SLC41A2: variants seen among roughly 807,000 people sequenced by gnomAD.
SLC41A2 encodes the protein SLC41A1-like 1.
A neutral mutation model predicts 58.3 loss-of-function variants in SLC41A2; 32 were observed. The observed-to-expected ratio is 0.55, with a 90% CI of 0.41 to 0.74. The LOEUF is 0.74. SLC41A2 is among the 30% of genes least tolerant of loss of function. SLC41A2 has a pLI of 0.00. For synonymous variants in SLC41A2, 190 were observed against 235.0 expected, an observed-to-expected ratio of 0.81 and a Z score of 1.75; for missense variants, 514 against 680.6, an observed-to-expected ratio of 0.76 and a Z score of 2.72.
chr12:104,929,416 A>C (rs1209243497), intron 1 of SLC41A2, among the ~76,000 whole-genome samples: 1 of 152,266 alleles, frequency 6.6e-6, no homozygotes, highest in Non-Finnish European at 1.5e-5. Flanking sequence ...CAGCCAGAAG[A>C]AAGCTTGTAA....
intron 1 of SLC41A2, among the ~76,000 whole-genome samples, chr12:104,943,741 T>G (rs539818472): frequency 1.3e-5 from 2 of 152,306 alleles, no homozygotes; most frequent in East Asian, 3.9e-4. Flanking sequence ...CTAGCTGGAT[T>G]TCCTAGGCCA....
In SLC41A2 at chr12:104,802,523, T is replaced by A. The variant is rs1206918458; in HGVS notation, c.*2629A>T. ...AGACATTTGGTTGCTCTAACCAAGG[T>A]TGGGTAGCAAAAGAGAAAGGAGACA... On this transcript the variant is annotated 3_prime_UTR_variant, in exon 11 of 11. Coordinates refer to ENST00000258538, the MANE Select transcript of SLC41A2 (RefSeq NM_001352171.3). The A allele has an allele frequency of 6.6e-6, 1 of 152,144 alleles. No individual in the cohort carries two copies. The highest frequency in any genetic ancestry group is 1.5e-5 in the Non-Finnish European group (1 of 68,014). The allele number at this position is 152,144 out of a possible 1,614,324, so 9.4% of individuals were successfully genotyped here. A position where few individuals can be genotyped will look rare whatever the true frequency, so the allele number is the denominator to read the frequency against.
At chr12:104,851,538 A>C (rs7980681) in intron 8 of SLC41A2, among the ~76,000 whole-genome samples, 113,187 of 151,716 alleles carry the variant, frequency 0.75, 42,832 homozygotes, top group African/African-American at 0.88. Context: ...TATGCATCAC[A>C]ATGCCTAGCT....
In SLC41A2 at chr12:104,860,283, G is replaced by C. The variant is rs188813329; in HGVS notation, c.1255+1008C>G. 5.4e-3 allele frequency among the ~76,000 whole-genome samples: 813 copies of C among 151,874 alleles called. 10 individuals carry two copies. The highest frequency in any genetic ancestry group is 0.019 in the African/African-American group (770 of 41,422). On this transcript the variant is annotated intron_variant, in intron 8 of 10. Coordinates refer to ENST00000258538, the MANE Select transcript of SLC41A2 (RefSeq NM_001352171.3). The stretch of plus-strand genomic sequence containing the variant: ...GCATTAGGACAAATAACTCATGCAT[G>C]CGGGGCTTAAAAACTAGATGATGGG...
intron 10 of SLC41A2, among the ~76,000 whole-genome samples, chr12:104,824,829 G>A (rs1346462321): frequency 3.3e-5 from 5 of 152,158 alleles, no homozygotes; most frequent in Admixed American, 2.6e-4. Context: ...TGCCCTGAGA[G>A]GAGGACAAGG....
rs1428330961 is a variant in SLC41A2, at chr12:104,829,417, T to C, written c.1536+15055A>G. Among the ~76,000 whole-genome samples the C allele has an allele frequency of 3.9e-5, 6 of 152,180 alleles. No homozygotes were observed. The South Asian group carries it at 8.3e-4, about 21-fold the overall frequency. On this transcript the variant is annotated intron_variant, in intron 10 of 10. Coordinates refer to ENST00000258538, the MANE Select transcript of SLC41A2 (RefSeq NM_001352171.3). ...AAAGAGGACATACTTAGATTCAATA[T>C]ATAAAATTCTAGAAGAGGGAAATAT...
rs2044819133 is a variant in SLC41A2, at chr12:104,889,166, T to C, written c.747A>G (p.Thr249=). Residue 249 remains threonine, a synonymous_variant, in exon 5 of 11, where the codon ACA becomes ACG. Coordinates refer to ENST00000258538, the MANE Select transcript of SLC41A2 (RefSeq NM_001352171.3). ...CCACAGCTGCTAGAAAACCCACTAC[T>C]GTTGCCTGAACCTAAAATTTTTTTC... ...GNLALKQVQA[T]VVGFLAAVAA... The C allele has an allele frequency of 1.2e-6, 2 of 1,605,266 alleles. No individual in the cohort carries two copies. Among genetic ancestry groups the C allele is most frequent in the African/African-American group, 2.7e-5 (2 of 74,532 alleles).
chr12:104,861,961 C>T (rs140279211), intron 7 of SLC41A2, among the ~76,000 whole-genome samples: 171 of 152,164 alleles, frequency 1.1e-3, no homozygotes, highest in Middle Eastern at 6.8e-3. Flanking sequence ...ACTAACATAT[C>T]GTTATATGGT....
At chr12:104,814,907 T>C (rs938751024) in intron 10 of SLC41A2, among the ~76,000 whole-genome samples, 1 of 152,268 alleles carries the variant, frequency 6.6e-6, no homozygotes, top group Non-Finnish European at 1.5e-5. Context: ...AATAAATTTA[T>C]GTCTTCATAG....
chr12:104,839,041 A>C (rs2136308782), intron 10 of SLC41A2, among the ~76,000 whole-genome samples: 1 of 152,332 alleles, frequency 6.6e-6, no homozygotes, highest in East Asian at 1.9e-4. Context: ...TTCTACAACT[A>C]AGCTTTCAAA....
intron 3 of SLC41A2, among the ~76,000 whole-genome samples, chr12:104,899,554 C>G (rs899692887): frequency 8.5e-5 from 13 of 152,118 alleles, no homozygotes; most frequent in Admixed American, 3.3e-4. Flanking sequence ...CCAACAAATG[C>G]CTTTTAGTAT....
chr12:104,900,556 A>G (rs1450847043), intron 3 of SLC41A2, among the ~76,000 whole-genome samples: 2 of 152,202 alleles, frequency 1.3e-5, no homozygotes, highest in African/African-American at 4.8e-5. Flanking sequence ...AGGAAAACCT[A>G]ATTGATTAAA....
chr12:104,931,211 C>CA lies in SLC41A2; in HGVS notation c.-167-2518dup, dbSNP rs375427424. ...AAAATATGAAACTGTGCTTAAAAGA[C>CA]AAAAAACATATATGCTAGACAGATA... On this transcript the variant is annotated intron_variant, in intron 1 of 10. Transcript: ENST00000258538. 3.2e-3 allele frequency among the ~76,000 whole-genome samples: 481 copies of CA among 152,262 alleles called. 2 individuals carry two copies. The highest frequency in any genetic ancestry group is 0.011 in the African/African-American group (454 of 41,554).
chr12:104,840,962 GA>G (rs922683605), intron 10 of SLC41A2, among the ~76,000 whole-genome samples: 8 of 150,286 alleles, frequency 5.3e-5, no homozygotes, highest in African/African-American at 1.7e-4. Flanking sequence ...GATATACTCT[GA>G]AAAAAAAATC....
chr12:104,888,773 C>T (rs1324891645), intron 5 of SLC41A2, among the ~76,000 whole-genome samples: 5 of 152,054 alleles, frequency 3.3e-5, no homozygotes, highest in Admixed American at 2.0e-4. Context: ...AATGTCTAGG[C>T]GATTTTCCTG....
At chr12:104,945,417 A>G (rs1339031746) in intron 1 of SLC41A2, among the ~76,000 whole-genome samples, 5 of 149,542 alleles carry the variant, frequency 3.3e-5, no homozygotes, top group Non-Finnish European at 7.4e-5. Context: ...GGAGAATGGC[A>G]TGAACACAGG....
chr12:104,938,245 G>T (rs1464875609), intron 1 of SLC41A2, among the ~76,000 whole-genome samples: 1 of 152,192 alleles, frequency 6.6e-6, no homozygotes, highest in Non-Finnish European at 1.5e-5. Flanking sequence ...GCACCCAGGA[G>T]GTTCCAAAGG....
chr12:104,808,990 A>T (rs1156923788), intron 10 of SLC41A2, among the ~76,000 whole-genome samples: 1 of 152,226 alleles, frequency 6.6e-6, no homozygotes, highest in Non-Finnish European at 1.5e-5. Context: ...TGGCAAGTAT[A>T]GCACAGTGGT....
chr12:104,956,451 G>A lies in SLC41A2; in HGVS notation c.-168+1637C>T, dbSNP rs532967008. 1.3e-3 allele frequency among the ~76,000 whole-genome samples: 193 copies of A among 152,322 alleles called. 1 individual carries two copies. Among genetic ancestry groups the A allele is most frequent in the Admixed American group, 0.012 (181 of 15,300 alleles). ...CCCAGCACTTTGGGAAGCCGAGGTGGGCAGATCACTTGAATTCAGGAGTTG... is the reference window on the plus strand; with the variant it reads ...CCCAGCACTTTGGGAAGCCGAGGTGAGCAGATCACTTGAATTCAGGAGTTG... On this transcript the variant is annotated intron_variant, in intron 1 of 10. Transcript: ENST00000258538.
Sources: allele counts gnomAD v4.1 joint callset (sites outside exome capture counted in the v4.1 genomes callset), GRCh38; gene constraint gnomAD v4.1.1; transcripts MANE v1.5; gene names NCBI Gene and HGNC (gene_info 2026-07-23, HGNC 2026-07-21).